Variants in ANK2 observed in about 807,000 individuals in gnomAD.
The protein encoded by ANK2 is ankyrin 2, also known as ankyrin-2.
A neutral mutation model predicts 360.5 loss-of-function variants in ANK2; 83 were observed. That is an observed-to-expected ratio of 0.23 (90% CI 0.19 to 0.28). The LOEUF (loss-of-function observed/expected upper bound fraction) is 0.28. Ranked by LOEUF, ANK2 falls within the 10% of genes least tolerant of loss-of-function variation. ANK2 has a pLI of 1.00. For missense variants in ANK2, 4,201 were observed against 4,795.7 expected (o/e 0.88, Z 3.66); for synonymous variants, 1,740 against 1,759.5 (o/e 0.99, Z 0.28).
chr4:112,723,046 T>C, the ANK2 span, among the ~76,000 whole-genome samples: 1 of 152,146 alleles, frequency 6.6e-6, no homozygotes, highest in Non-Finnish European at 1.5e-5. Context: ...TCTGGGCTCA[T>C]TGCCATCCAA....
the ANK2 span, among the ~76,000 whole-genome samples, chr4:112,741,225 G>C: frequency 1.3e-5 from 2 of 152,294 alleles, no homozygotes; most frequent in South Asian, 4.1e-4. Flanking sequence ...CAGAGATCCA[G>C]TTTTGCCTTC....
At chr4:113,271,542 G>A (rs1008664073) in intron 14 of ANK2, among the ~76,000 whole-genome samples, 2 of 151,708 alleles carry the variant, frequency 1.3e-5, no homozygotes, top group Non-Finnish European at 2.9e-5. Context: ...AACATTGCTC[G>A]AGAATTCACC....
intron 9 of ANK2, among the ~76,000 whole-genome samples, chr4:113,249,380 TG>T (rs1040581853): frequency 2.6e-5 from 4 of 152,202 alleles, no homozygotes; most frequent in Admixed American, 1.3e-4. Flanking sequence ...ATATAATCCC[TG>T]TTTTCGGTTC....
At chr4:113,211,528 ATGT>A (rs1226090276) in intron 4 of ANK2, among the ~76,000 whole-genome samples, 2 of 152,202 alleles carry the variant, frequency 1.3e-5, no homozygotes, top group Non-Finnish European at 2.9e-5. Flanking sequence ...AAGCAATAAA[ATGT>A]AGATAGTGTT....
chr4:113,338,144 G>A (rs910255377), intron 31 of ANK2, among the ~76,000 whole-genome samples: 4 of 152,174 alleles, frequency 2.6e-5, no homozygotes, highest in East Asian at 1.9e-4. Context: ...TGCTGAGTAT[G>A]TATTTTAAAG....
intron 27 of ANK2, 35 bp downstream of exon 27, chr4:113,330,505 C>T (rs758476821): frequency 2.2e-5 from 36 of 1,600,434 alleles, no homozygotes; most frequent in Admixed American, 3.3e-5. Flanking sequence ...ACTTAGTCAT[C>T]GATGAGCTTG....
intron 26 of ANK2, among the ~76,000 whole-genome samples, chr4:113,329,928 T>C (rs962199840): frequency 3.3e-5 from 5 of 152,226 alleles, no homozygotes; most frequent in African/African-American, 9.6e-5. Context: ...GTTCTTTATG[T>C]AATTTCATTC....
intron 37 of ANK2, among the ~76,000 whole-genome samples, chr4:113,352,761 G>A (rs561412970): frequency 9.3e-5 from 14 of 151,314 alleles, no homozygotes; most frequent in Admixed American, 3.9e-4. Context: ...GTGTATGTGC[G>A]TCTTGTTTTA....
intron 2 of ANK2, among the ~76,000 whole-genome samples, chr4:112,961,620 A>G (rs879308948): frequency 6.6e-6 from 1 of 152,124 alleles, no homozygotes; most frequent in Non-Finnish European, 1.5e-5. Context: ...ATTATGACTT[A>G]TATGAACAGA....
intron 37 of ANK2, among the ~76,000 whole-genome samples, chr4:113,352,466 T>G (rs938525813): frequency 6.6e-6 from 1 of 152,206 alleles, no homozygotes; most frequent in Non-Finnish European, 1.5e-5. Context: ...AGATGTATTT[T>G]ATATAGTCTT....
At chr4:112,977,542 T>G (rs913513097) in intron 2 of ANK2, among the ~76,000 whole-genome samples, 2 of 151,564 alleles carry the variant, frequency 1.3e-5, no homozygotes, top group African/African-American at 2.4e-5. Context: ...ATAAATAAAT[T>G]AAAAAAAATT....
At chr4:112,989,989 G>A (rs1030941443) in intron 2 of ANK2, among the ~76,000 whole-genome samples, 2 of 152,132 alleles carry the variant, frequency 1.3e-5, no homozygotes, top group African/African-American at 4.8e-5. Flanking sequence ...TTCAGGTATT[G>A]TCTGGGCACA....
At chr4:113,309,582 G>T (rs767284447) in intron 23 of ANK2, among the ~76,000 whole-genome samples, 1 of 152,036 alleles carries the variant, frequency 6.6e-6, no homozygotes, top group Non-Finnish European at 1.5e-5. Flanking sequence ...GCAGTGGTGC[G>T]ATCATGGCTC....
At chr4:112,863,840 A>T (rs2069127780) in intron 1 of ANK2, among the ~76,000 whole-genome samples, 1 of 151,868 alleles carries the variant, frequency 6.6e-6, no homozygotes, top group Non-Finnish European at 1.5e-5. Flanking sequence ...CTTTATTATT[A>T]TTTTTTTGAT....
chr4:112,743,704 A>C, the ANK2 span, among the ~76,000 whole-genome samples: 1 of 151,058 alleles, frequency 6.6e-6, no homozygotes, highest in Non-Finnish European at 1.5e-5. Context: ...CACCACACCC[A>C]GCTAATTTTT....
chr4:113,274,788 T>G, intron 15 of ANK2, 139 bp downstream of exon 15: 1 of 874,984 alleles, frequency 1.1e-6, no homozygotes, highest in Non-Finnish European at 1.8e-6. Context: ...TTAAGACTCA[T>G]TGTCTAAATG....
At chr4:112,870,700 G>A (rs1478767637) in intron 1 of ANK2, among the ~76,000 whole-genome samples, 3 of 152,190 alleles carry the variant, frequency 2.0e-5, no homozygotes, top group Admixed American at 2.0e-4. Flanking sequence ...CCTGTAGTAA[G>A]TTTGAAATCA....
At chr4:113,163,380 T>A (rs1372694141) in intron 1 of ANK2, among the ~76,000 whole-genome samples, 4 of 151,992 alleles carry the variant, frequency 2.6e-5, no homozygotes, top group African/African-American at 9.7e-5. Flanking sequence ...GAGAATGGGG[T>A]GAATGAATAA....
the ANK2 span, among the ~76,000 whole-genome samples, chr4:112,738,128 G>T: frequency 6.6e-5 from 10 of 152,208 alleles, no homozygotes; most frequent in Non-Finnish European, 1.5e-4. Flanking sequence ...TAAGACATGA[G>T]GCCGGGTGCA....
Sources: gnomAD v4.1 joint callset for allele counts (sites outside exome capture counted in the v4.1 genomes callset) on GRCh38, gnomAD v4.1.1 for gene constraint, MANE v1.5 for transcripts, NCBI Gene and HGNC (gene_info 2026-07-23, HGNC 2026-07-21) for gene names.